FBXW7: variants seen among roughly 807,000 people sequenced by gnomAD.
The protein encoded by FBXW7 is F-box and WD repeat domain containing 7, also known as F-box/WD repeat-containing protein 7.
A neutral mutation model predicts 86.3 loss-of-function variants in FBXW7; 11 were observed. The ratio of observed to expected loss-of-function variants is 0.13; its 90% confidence interval spans 0.08 to 0.21. The LOEUF (loss-of-function observed/expected upper bound fraction) is 0.21. FBXW7 is among the 10% of genes least tolerant of loss of function. FBXW7 has a pLI of 1.00. For synonymous variants in FBXW7, 313 were observed against 297.9 expected, an observed-to-expected ratio of 1.05 and a Z score of -0.52; for missense variants, 488 against 847.4, an observed-to-expected ratio of 0.58 and a Z score of 5.27.
intron 2 of FBXW7, among the ~76,000 whole-genome samples, chr4:152,508,195 A>C (rs942948399): frequency 3.3e-5 from 5 of 152,184 alleles, no homozygotes; most frequent in Non-Finnish European, 7.3e-5. Context: ...ATAAATAATG[A>C]TGATAATAGA....
At chr4:152,381,803 T>C (rs1735100734) in intron 4 of FBXW7, among the ~76,000 whole-genome samples, 1 of 152,152 alleles carries the variant, frequency 6.6e-6, no homozygotes, top group Admixed American at 6.6e-5. Flanking sequence ...GAACACTTTT[T>C]AACGAATGAA....
At chr4:152,489,425 G>A (rs1052967934) in intron 2 of FBXW7, 1 of 152,602 alleles carries the variant, frequency 6.6e-6, no homozygotes, top group African/African-American at 2.4e-5. Context: ...GGACATAAAT[G>A]GTAGGCTTCC....
intron 2 of FBXW7, among the ~76,000 whole-genome samples, chr4:152,528,181 C>CAG (rs1180467970): frequency 1.8e-4 from 27 of 151,858 alleles, no homozygotes; most frequent in Middle Eastern, 3.2e-3. Context: ...CAGAAACACA[C>CAG]AGAGAGAGAG....
At chr4:152,443,320 G>A (rs1316762210) in intron 2 of FBXW7, among the ~76,000 whole-genome samples, 2 of 152,088 alleles carry the variant, frequency 1.3e-5, no homozygotes, top group African/African-American at 4.8e-5. Flanking sequence ...GTGTATGGCA[G>A]ATAACCAGAA....
chr4:152,322,649 A>G lies in FBXW7; in HGVS notation c.*232T>C, dbSNP rs1314328343. ...CAAAGCTGCCCTCAGTCAAAAGTGAAGCCTTTTATGTGATGAGACAGCAGA... is the reference window on the plus strand; with the variant it reads ...CAAAGCTGCCCTCAGTCAAAAGTGAGGCCTTTTATGTGATGAGACAGCAGA... On this transcript the variant is annotated 3_prime_UTR_variant, in exon 14 of 14. Coordinates refer to ENST00000281708, the MANE Select transcript of FBXW7 (RefSeq NM_001349798.2). 6.7e-6 allele frequency: 4 copies of G among 596,566 alleles called. No individual in the cohort carries two copies. The highest frequency in any genetic ancestry group is 1.9e-5 in the African/African-American group (1 of 53,904). 37.0% of individuals were successfully genotyped at this position (596,566 alleles called of 1,614,324 possible).
chr4:152,418,293 ACTT>A (rs1251237751), intron 2 of FBXW7, among the ~76,000 whole-genome samples: 2 of 152,168 alleles, frequency 1.3e-5, no homozygotes, highest in Admixed American at 6.5e-5. Flanking sequence ...CCTACGTAGT[ACTT>A]ATTTTTCAGT....
At chr4:152,491,362 T>A (rs1404163217) in intron 2 of FBXW7, among the ~76,000 whole-genome samples, 2 of 152,182 alleles carry the variant, frequency 1.3e-5, no homozygotes, top group African/African-American at 4.8e-5. Context: ...CAAGAATAGA[T>A]ATATCTTTCC....
intron 12 of FBXW7, 51 bp from the exon 13 acceptor site, chr4:152,324,445 A>T (rs1452118878): frequency 7.1e-7 from 1 of 1,411,362 alleles, no homozygotes; most frequent in Non-Finnish European, 9.8e-7. Flanking sequence ...TCTTCCTATC[A>T]ATTACTGACC....
chr4:152,443,810 A>G (rs565929915), intron 2 of FBXW7, among the ~76,000 whole-genome samples: 6 of 152,202 alleles, frequency 3.9e-5, no homozygotes, highest in Non-Finnish European at 8.8e-5. Flanking sequence ...CTTCTAAAAA[A>G]TTTTAATGTT....
intron 4 of FBXW7, among the ~76,000 whole-genome samples, chr4:152,369,201 A>G (rs1733765677): frequency 6.6e-6 from 1 of 152,150 alleles, no homozygotes. Flanking sequence ...TAATAGTTAC[A>G]GAACTCTTGT....
At position 152,535,779 on chromosome 4, in the gene FBXW7, A is replaced by AGCCGCCTCCCTGCCCCCCAAGCC. The variant is rs1320252756; in HGVS notation, c.-888_-866dup. The AGCCGCCTCCCTGCCCCCCAAGCC allele has an allele frequency of 2.3e-3, 914 of 392,800 alleles. 9 individuals are homozygous for AGCCGCCTCCCTGCCCCCCAAGCC. The highest frequency in any genetic ancestry group is 4.5e-4 in the Non-Finnish European group (101 of 222,532). 24.3% of individuals were successfully genotyped at this position (392,800 alleles called of 1,614,324 possible). A position where few individuals can be genotyped will look rare whatever the true frequency, so the allele number is the denominator to read the frequency against. ...CAGCTACCCACTCCCGGCCCGTGGT[A>AGCCGCCTCCCTGCCCCCCAAGCC]GCCGCCTCCCTGCCCCCCAAGCCGC... On this transcript the variant is annotated 5_prime_UTR_variant, in exon 1 of 14. Coordinates refer to ENST00000281708, the MANE Select transcript of FBXW7 (RefSeq NM_001349798.2).
chr4:152,511,840 A>G (rs1180957116), intron 2 of FBXW7, among the ~76,000 whole-genome samples: 1 of 152,148 alleles, frequency 6.6e-6, no homozygotes, highest in African/African-American at 2.4e-5. Flanking sequence ...TTCTAAGTGT[A>G]TGTGTGTGTA....
intron 2 of FBXW7, among the ~76,000 whole-genome samples, chr4:152,448,503 A>G (rs952957515): frequency 6.6e-6 from 1 of 152,208 alleles, no homozygotes; most frequent in Non-Finnish European, 1.5e-5. Flanking sequence ...GGTCTGATGT[A>G]TGGCTACAAG....
rs1731324784 is a variant in FBXW7 at position 152,346,970 on chromosome 4, T to G, written c.686A>C (p.Gln229Pro). Residue 229 changes from glutamine (Q) to proline (P), a missense_variant, in exon 6 of 14, where the codon CAG (glutamine) becomes CCG (proline). Coordinates refer to ENST00000281708, the MANE Select transcript of FBXW7 (RefSeq NM_001349798.2). Reference protein sequence around the residue: ...GQQRRRITSVQPPTGLQEWLK... With the variant: ...GQQRRRITSVPPPTGLQEWLK... ...CCATTCCTGGAGGCCTGTAGGTGGC[T>G]GGACAGATGTAATTCGGCGTCGTTG... is the stretch of plus-strand genomic sequence containing the variant. 1.2e-6 allele frequency: 2 copies of G among 1,613,558 alleles called. No individual in the cohort carries two copies. Among genetic ancestry groups the G allele is most frequent in the African/African-American group, 2.7e-5 (2 of 74,820 alleles).
At chr4:152,341,057 C>G (rs533593222) in intron 6 of FBXW7, among the ~76,000 whole-genome samples, 1 of 152,160 alleles carries the variant, frequency 6.6e-6, no homozygotes, top group South Asian at 2.1e-4. Context: ...TACCAGTATG[C>G]GTCACCTAGA....
Position 152,535,595 on chromosome 4 carries a change from G to C in FBXW7, c.-681C>G. 2.5e-6 allele frequency: 1 copy of C among 397,022 alleles called. No individual in the cohort carries two copies. Among genetic ancestry groups the C allele is most frequent in the East Asian group, 3.6e-5 (1 of 27,970 alleles). 24.6% of individuals were successfully genotyped at this position (397,022 alleles called of 1,614,324 possible). A position where few individuals can be genotyped will look rare whatever the true frequency, so the allele number is the denominator to read the frequency against. On this transcript the variant is annotated 5_prime_UTR_variant, in exon 1 of 14. Transcript: ENST00000281708. The stretch of plus-strand genomic sequence containing the variant: ...GGTGGCCGAGTCGGCGGCAAGGCGA[G>C]GGACCCGGCCGGCTCCGCTCGGCGC...
chr4:152,370,362 A>G (rs893423860), intron 4 of FBXW7, among the ~76,000 whole-genome samples: 1 of 152,008 alleles, frequency 6.6e-6, no homozygotes, highest in Non-Finnish European at 1.5e-5. Flanking sequence ...AGGATACCAC[A>G]AAATAATCAT....
chr4:152,518,869 G>A lies in FBXW7; in HGVS notation c.-120+16072C>T, dbSNP rs372350277. ...CAGATATAAAAACTATGTTCTCACA[G>A]TATTAATTAAATATGAAATATCTAT... On this transcript the variant is annotated intron_variant, in intron 2 of 13. Coordinates refer to ENST00000281708, the MANE Select transcript of FBXW7 (RefSeq NM_001349798.2). 1.6e-4 allele frequency among the ~76,000 whole-genome samples: 24 copies of A among 152,214 alleles called. No homozygotes were observed. The East Asian group carries it at 3.1e-3, about 20-fold the overall frequency.
At chr4:152,520,798 T>A (rs184440594) in intron 2 of FBXW7, among the ~76,000 whole-genome samples, 292 of 152,258 alleles carry the variant, frequency 1.9e-3, no homozygotes, top group African/African-American at 6.6e-3. Flanking sequence ...AATAGGAAGG[T>A]CGACTTTAAG....
Sources: gnomAD v4.1 joint callset for allele counts (sites outside exome capture counted in the v4.1 genomes callset) on GRCh38, gnomAD v4.1.1 for gene constraint, MANE v1.5 for transcripts, NCBI Gene and HGNC (gene_info 2026-07-23, HGNC 2026-07-21) for gene names.